The following MELK variants were observed in gnomAD, a reference collection of about 807,000 sequenced individuals.
MELK encodes pEg3 kinase.
A neutral mutation model predicts 85.0 loss-of-function variants in MELK; 81 were observed. The observed-to-expected ratio is 0.95, with a 90% CI of 0.80 to 1.15. The LOEUF is 1.15. Ranked by LOEUF, MELK falls within the 50% of genes most tolerant of loss-of-function variation. MELK has a pLI of 0.00. For missense variants in MELK, 754 were observed against 777.5 expected, an observed-to-expected ratio of 0.97 and a Z score of 0.36; for synonymous variants, 252 against 265.0, an observed-to-expected ratio of 0.95 and a Z score of 0.48.
At chr9:36,625,757 C>T (rs1232574680) in intron 8 of MELK, among the ~76,000 whole-genome samples, 2 of 151,950 alleles carry the variant, frequency 1.3e-5, no homozygotes, top group African/African-American at 4.8e-5. Flanking sequence ...CCTGTCTCTA[C>T]TAAAAATGCA....
intron 9 of MELK, among the ~76,000 whole-genome samples, chr9:36,632,441 A>AT (rs560792345): frequency 6.6e-5 from 10 of 151,458 alleles, no homozygotes; most frequent in Non-Finnish European, 7.4e-5. Flanking sequence ...TCTTAGTGCA[A>AT]TTTTTTTTTC....
intron 2 of MELK, among the ~76,000 whole-genome samples, chr9:36,583,098 C>T (rs1166696252): frequency 4.0e-5 from 6 of 151,734 alleles, no homozygotes; most frequent in Non-Finnish European, 5.9e-5. Context: ...CTCAGCCTCC[C>T]GAGTAGCTGG....
At chr9:36,586,590 A>G (rs1445451766) in intron 3 of MELK, among the ~76,000 whole-genome samples, 1 of 152,190 alleles carries the variant, frequency 6.6e-6, no homozygotes, top group Non-Finnish European at 1.5e-5. Flanking sequence ...GCATTTAAAC[A>G]TGAGTATCAA....
At chr9:36,594,603 A>T (rs1823983793) in intron 4 of MELK, 25 bp from the exon 5 acceptor site, 2 of 1,600,608 alleles carry the variant, frequency 1.2e-6, no homozygotes, top group African/African-American at 2.7e-5. Flanking sequence ...TTGTAACAAT[A>T]TCTGTGATTC....
chr9:36,646,789 C>T (rs1263407896), intron 11 of MELK, among the ~76,000 whole-genome samples: 3 of 152,232 alleles, frequency 2.0e-5, no homozygotes, highest in East Asian at 3.8e-4. Context: ...GGGGCCACTC[C>T]TCCGTGTCTG....
At chr9:36,610,502 G>T (rs1825974630) in intron 8 of MELK, among the ~76,000 whole-genome samples, 1 of 152,248 alleles carries the variant, frequency 6.6e-6, no homozygotes, top group African/African-American at 2.4e-5. Context: ...ACCCATGTGT[G>T]TCCAGGCTTC....
intron 1 of MELK, among the ~76,000 whole-genome samples, chr9:36,574,360 G>A (rs1441867416): frequency 1.3e-5 from 2 of 151,170 alleles, no homozygotes; most frequent in Non-Finnish European, 2.9e-5. Flanking sequence ...CGAGGTGGGC[G>A]GATCACTTGA....
At chr9:36,576,331 A>G (rs1821642021) in intron 1 of MELK, among the ~76,000 whole-genome samples, 1 of 152,200 alleles carries the variant, frequency 6.6e-6, no homozygotes, top group African/African-American at 2.4e-5. Flanking sequence ...AGTTGGGTCC[A>G]GTGTGATCTC....
Position 36,599,448 on chromosome 9 carries a change from C to T in MELK, c.529C>T (p.Pro177Ser), listed in dbSNP as rs769654094. 22 of 1,613,372 alleles carry T rather than the reference C, an allele frequency of 1.4e-5. No individual in the cohort carries two copies. Among genetic ancestry groups the T allele is most frequent in the South Asian group, 1.1e-5 (1 of 91,078 alleles). The change falls in exon 7 of 18, where the codon CCT (proline) becomes TCT (serine). Residue 177 changes from proline (P) to serine (S), a missense_variant. Physicochemically the swap from Pro to Ser is moderately conservative, Grantham distance 74. Coordinates refer to ENST00000298048, the MANE Select transcript of MELK (RefSeq NM_014791.4). Reference sequence around the variant, plus strand: ...CTGTGGGAGTCTGGCTTATGCAGCACCTGAGTTAATACAAGGCAAATCATA... The same window carrying T: ...CTGTGGGAGTCTGGCTTATGCAGCATCTGAGTTAATACAAGGCAAATCATA... ...TCCGSLAYAA[P>S]ELIQGKSYLG...
At chr9:36,647,706 C>T (rs1055594254) in intron 11 of MELK, among the ~76,000 whole-genome samples, 4 of 152,166 alleles carry the variant, frequency 2.6e-5, no homozygotes, top group Admixed American at 6.5e-5. Flanking sequence ...CTGGGCTGGT[C>T]TCGATCTCCT....
chr9:36,630,623 C>G (rs1454937431), intron 9 of MELK, among the ~76,000 whole-genome samples: 2 of 152,158 alleles, frequency 1.3e-5, no homozygotes, highest in African/African-American at 4.8e-5. Context: ...TCTTGTTCCA[C>G]TCTCTTTTAT....
chr9:36,667,142 T>C (rs916121419), intron 14 of MELK, among the ~76,000 whole-genome samples: 9 of 150,918 alleles, frequency 6.0e-5, no homozygotes, highest in Admixed American at 2.0e-4. Flanking sequence ...ATCTTTTTTT[T>C]CCCCTTTTTT....
chr9:36,639,587 C>G (rs1228168631), intron 10 of MELK, among the ~76,000 whole-genome samples: 1 of 152,200 alleles, frequency 6.6e-6, no homozygotes, highest in Non-Finnish European at 1.5e-5. Flanking sequence ...TTTTGGTATG[C>G]AGTTTTGTAC....
intron 8 of MELK, among the ~76,000 whole-genome samples, chr9:36,627,958 A>G (rs1303766480): frequency 1.3e-5 from 2 of 151,992 alleles, no homozygotes; most frequent in East Asian, 3.9e-4. Context: ...CTGGAGTACT[A>G]TGGCACAATC....
intron 11 of MELK, among the ~76,000 whole-genome samples, chr9:36,647,618 A>G (rs1830342158): frequency 6.6e-6 from 1 of 151,564 alleles, no homozygotes; most frequent in South Asian, 2.1e-4. Context: ...CCTCCCATAT[A>G]GCTGGGATTA....
chr9:36,638,513 G>A (rs1307340053), intron 10 of MELK, among the ~76,000 whole-genome samples: 4 of 152,030 alleles, frequency 2.6e-5, no homozygotes, highest in African/African-American at 4.8e-5. Flanking sequence ...TTTAACTCCC[G>A]ACCTCAGGTG....
chr9:36,671,421 C>T (rs1288587643), intron 16 of MELK, among the ~76,000 whole-genome samples: 1 of 152,094 alleles, frequency 6.6e-6, no homozygotes, highest in East Asian at 1.9e-4. Flanking sequence ...GTCACAGGGG[C>T]AACATGGAGG....
rs146537035 is a variant in MELK, at chr9:36,651,816, G to A, written c.992G>A (p.Arg331His). 1.9e-4 allele frequency: 310 copies of A among 1,613,870 alleles called. No homozygotes were observed. The highest frequency in any genetic ancestry group is 2.4e-4 in the Non-Finnish European group (287 of 1,179,972). The change falls in exon 12 of 18, where the codon CGT becomes CAT. Residue 331 changes from arginine to histidine, a missense_variant. Coordinates refer to ENST00000298048, the MANE Select transcript of MELK (RefSeq NM_014791.4). ...LAKKARGKPV[R>H]LRLSSFSCGQ... ...AAGAAGGCTCGGGGAAAACCAGTTCGTTTAAGGCTTTCTTCTTTCTCCTGT... is the reference window on the plus strand; with the variant it reads ...AAGAAGGCTCGGGGAAAACCAGTTCATTTAAGGCTTTCTTCTTTCTCCTGT...
rs990115786 is a variant in MELK, at chr9:36,629,846, T to G, written c.667-453T>G. ...TTTTTCTTTAAGGCAAGAAATTGTTTTTTTTTTTTTTTTTTTGTGATGGAG... is the reference window on the plus strand; with the variant it reads ...TTTTTCTTTAAGGCAAGAAATTGTTGTTTTTTTTTTTTTTTTGTGATGGAG... On this transcript the variant is annotated intron_variant, in intron 8 of 17. Coordinates refer to ENST00000298048, the MANE Select transcript of MELK (RefSeq NM_014791.4). Among the ~76,000 whole-genome samples, 10 of 135,028 alleles carry G rather than the reference T, an allele frequency of 7.4e-5. No homozygotes were observed. The East Asian group carries it at 8.4e-4, about 11-fold the overall frequency. The allele number at this position is 135,028 out of a possible 152,430, so 88.6% of individuals were successfully genotyped here.
Sources: allele counts gnomAD v4.1 joint callset (sites outside exome capture counted in the v4.1 genomes callset), GRCh38; gene constraint gnomAD v4.1.1; transcripts MANE v1.5; gene names NCBI Gene and HGNC (gene_info 2026-07-23, HGNC 2026-07-21).